PLCE1: variants seen among roughly 807,000 people sequenced by gnomAD.
PLCE1 encodes phospholipase C epsilon 1.
A neutral mutation model predicts 242.8 loss-of-function variants in PLCE1; 119 were observed. The observed-to-expected ratio is 0.49, with a 90% CI of 0.42 to 0.57. The LOEUF is 0.57. Ranked by LOEUF, PLCE1 falls within the 20% of genes least tolerant of loss-of-function variation. The pLI is 0.00. For synonymous variants in PLCE1, 945 were observed against 1,017.4 expected, an observed-to-expected ratio of 0.93 and a Z score of 1.35; for missense variants, 2,441 against 2,788.8, an observed-to-expected ratio of 0.88 and a Z score of 2.81.
intron 2 of PLCE1, among the ~76,000 whole-genome samples, chr10:94,054,081 A>G (rs2043837274): frequency 6.6e-6 from 1 of 152,156 alleles, no homozygotes; most frequent in African/African-American, 2.4e-5. Flanking sequence ...AGTCTTCCTT[A>G]TGGTCTAGTG....
intron 3 of PLCE1, among the ~76,000 whole-genome samples, chr10:94,144,020 C>A (rs1300279608): frequency 2.0e-5 from 3 of 152,176 alleles, no homozygotes; most frequent in East Asian, 1.9e-4. Context: ...GCAGACTCAT[C>A]TAAAATCCAT....
intron 4 of PLCE1, among the ~76,000 whole-genome samples, chr10:94,225,795 G>A (rs1375619139): frequency 6.6e-6 from 1 of 152,226 alleles, no homozygotes; most frequent in African/African-American, 2.4e-5. Flanking sequence ...ACTGCCCTCT[G>A]TGGTTGCTGC....
chr10:94,125,598 G>A (rs1296336812), intron 2 of PLCE1, among the ~76,000 whole-genome samples: 7 of 151,854 alleles, frequency 4.6e-5, no homozygotes, highest in Non-Finnish European at 8.8e-5. Flanking sequence ...GCTGTTCTGC[G>A]GTTTAATTGA....
intron 4 of PLCE1, among the ~76,000 whole-genome samples, chr10:94,203,330 C>T (rs529188150): frequency 6.6e-6 from 1 of 152,292 alleles, no homozygotes; most frequent in East Asian, 1.9e-4. Flanking sequence ...AGTTAGCATT[C>T]CTGGACCCAT....
At chr10:94,229,197 C>CAAAAAAAAAAAAAAAAAAA (rs200316786) in intron 5 of PLCE1, among the ~76,000 whole-genome samples, 1 of 123,354 alleles carries the variant, frequency 8.1e-6, no homozygotes, top group East Asian at 3.4e-4. Flanking sequence ...ACAAAACAAA[C>CAAAAAAAAAAAAAAAAAAA]AAACAAAAAA....
At chr10:94,061,220 C>T (rs1589940229) in intron 2 of PLCE1, among the ~76,000 whole-genome samples, 1 of 152,260 alleles carries the variant, frequency 6.6e-6, no homozygotes. Context: ...CTCACTTAGA[C>T]AAAGCTCAGG....
At chr10:94,139,385 A>C (rs887980070) in intron 3 of PLCE1, 24 of 164,846 alleles carry the variant, frequency 1.5e-4, no homozygotes, top group African/African-American at 5.8e-4. Context: ...ACTTCAAAAA[A>C]GCCAAGTGGG....
rs191824993 is a variant in PLCE1 at position 94,092,737 on chromosome 10, C to T, written c.1207-39437C>T. 3.5e-4 allele frequency among the ~76,000 whole-genome samples: 52 copies of T among 150,650 alleles called. No individual in the cohort carries two copies. In the East Asian group the frequency reaches 9.4e-3, roughly 27 times the overall value. ...CAGTTGGAAAACCAGAGAAACCCAC[C>T]TAGAAAGCCCAGTAAAAAGGTTCAC... On this transcript the variant is annotated intron_variant, in intron 2 of 32. Coordinates refer to ENST00000371380, the MANE Select transcript of PLCE1 (RefSeq NM_016341.4).
intron 2 of PLCE1, among the ~76,000 whole-genome samples, chr10:94,117,820 A>G (rs1409780838): frequency 6.6e-6 from 1 of 152,204 alleles, no homozygotes; most frequent in Non-Finnish European, 1.5e-5. Flanking sequence ...AGCTCCCACA[A>G]AGTGAAGGAC....
At chr10:94,317,304 T>C (rs2133804787) in intron 29 of PLCE1, among the ~76,000 whole-genome samples, 1 of 152,282 alleles carries the variant, frequency 6.6e-6, no homozygotes, top group South Asian at 2.1e-4. Context: ...AACTATTCCA[T>C]TTTAAAAATA....
chr10:94,222,420 G>A (rs2049784944), intron 4 of PLCE1, among the ~76,000 whole-genome samples: 1 of 152,092 alleles, frequency 6.6e-6, no homozygotes, highest in Non-Finnish European at 1.5e-5. Context: ...ATCCTGACAG[G>A]TCACCGACAC....
At chr10:94,230,903 C>T (rs980265784) in intron 5 of PLCE1, among the ~76,000 whole-genome samples, 1 of 152,178 alleles carries the variant, frequency 6.6e-6, no homozygotes, top group Admixed American at 6.5e-5. Flanking sequence ...AGCCACTGCA[C>T]CTGGCCTGAA....
chr10:94,006,951 A>C (rs1010333121), intron 1 of PLCE1, among the ~76,000 whole-genome samples: 1 of 152,186 alleles, frequency 6.6e-6, no homozygotes, highest in African/African-American at 2.4e-5. Flanking sequence ...AAAGGATCTG[A>C]ATTGAGGTGG....
intron 2 of PLCE1, among the ~76,000 whole-genome samples, chr10:94,036,206 G>T (rs1436833968): frequency 6.6e-6 from 1 of 152,152 alleles, no homozygotes; most frequent in Non-Finnish European, 1.5e-5. Context: ...CACAGTTCTA[G>T]CAAGGAGTGA....
At chr10:94,129,972 A>G (rs1415835735) in intron 2 of PLCE1, among the ~76,000 whole-genome samples, 1 of 152,108 alleles carries the variant, frequency 6.6e-6, no homozygotes, top group Admixed American at 6.6e-5. Flanking sequence ...TATTGCTTGC[A>G]TGGTGAGTTG....
Position 94,262,697 on chromosome 10 carries a change from C to G in PLCE1, c.4018C>G (p.His1340Asp). 6.2e-7 allele frequency: 1 copy of G among 1,613,842 alleles called. No individual in the cohort carries two copies. Reference sequence around the variant, plus strand: ...TTTCCTCGTGAATTGCCAAGGAGAACACTGCACTTATGATGAAATCCTCAG... The same window carrying G: ...TTTCCTCGTGAATTGCCAAGGAGAAGACTGCACTTATGATGAAATCCTCAG... ...NDFLVNCQGE[H>D]CTYDEILSII... The change falls in exon 14 of 33, where the codon CAC becomes GAC. Residue 1340 changes from histidine to aspartate, a missense_variant. His to Asp is a moderately conservative substitution (Grantham distance 81, BLOSUM62 -1). Transcript: ENST00000371380.
At chr10:94,099,710 A>C (rs1379024255) in intron 2 of PLCE1, 1 of 152,252 alleles carries the variant, frequency 6.6e-6, no homozygotes, top group Admixed American at 6.5e-5. Context: ...GAAATTGTAC[A>C]GAACCATCTA....
intron 2 of PLCE1, among the ~76,000 whole-genome samples, chr10:94,118,929 T>C (rs909896982): frequency 6.6e-5 from 10 of 152,178 alleles, no homozygotes; most frequent in African/African-American, 2.2e-4. Flanking sequence ...CCCCAATATT[T>C]TGGAACCTCC....
Position 94,298,323 on chromosome 10 carries a change from CT to C in PLCE1, c.5168-55del. 6.7e-7 allele frequency: 1 copy of C among 1,503,660 alleles called. No homozygotes were observed. The highest frequency in any genetic ancestry group is 1.1e-5 in the South Asian group (1 of 88,582). The allele number at this position is 1,503,660 out of a possible 1,614,324, so 93.1% of individuals were successfully genotyped here. A position where few individuals can be genotyped will look rare whatever the true frequency, so the allele number is the denominator to read the frequency against. ...TGGGATGTTGTTCAGGTTTATCTTT[CT>C]AAAATATTTAAAGTTTTCTACACTA... On this transcript the variant is annotated intron_variant, in intron 23 of 32. Coordinates refer to ENST00000371380, the MANE Select transcript of PLCE1 (RefSeq NM_016341.4). This position sits in a 1 kb window ranked among gnomAD's most constrained non-coding sequence, Gnocchi z 5.2.
Sources: gnomAD v4.1 joint callset for allele counts (sites outside exome capture counted in the v4.1 genomes callset) on GRCh38, gnomAD v4.1.1 for gene constraint, Gnocchi (gnomAD v3.1) non-coding constraint, MANE v1.5 for transcripts, NCBI Gene and HGNC (gene_info 2026-07-23, HGNC 2026-07-21) for gene names.